The following KIF13B variants were observed in gnomAD, a reference collection of about 807,000 sequenced individuals.
KIF13B encodes kinesin family member 13B, also known as kinesin-like protein KIF13B.
KIF13B carries 127 observed loss-of-function variants against 222.0 expected under a neutral mutation model. That is an observed-to-expected ratio of 0.57 (90% CI 0.50 to 0.66). KIF13B has a LOEUF of 0.66. KIF13B is among the 30% of genes least tolerant of loss of function. The pLI, the probability that KIF13B is intolerant of heterozygous loss-of-function variation, is 0.00. For synonymous variants in KIF13B, 976 were observed against 919.0 expected (o/e 1.06, Z -1.12); for missense variants, 2,173 against 2,379.0 (o/e 0.91, Z 1.80).
intron 10 of KIF13B, among the ~76,000 whole-genome samples, chr8:29,169,251 G>A (rs927796046): frequency 2.6e-5 from 4 of 152,108 alleles, no homozygotes; most frequent in African/African-American, 4.8e-5. Flanking sequence ...TGGTTTTATC[G>A]GTGAGAAAAC....
In KIF13B at chr8:29,226,832, G is replaced by A. The variant is rs563516382; in HGVS notation, c.149+18514C>T. On this transcript the variant is annotated intron_variant, in intron 2 of 39. Transcript: ENST00000524189. ...AGCAAATAGCTTCTGTTTAAGTTTC[G>A]TTGTTAATTGTAGCTAAAGTGTAGA... 1.3e-4 allele frequency among the ~76,000 whole-genome samples: 20 copies of A among 152,088 alleles called. No homozygotes were observed. The South Asian group carries it at 3.3e-3, about 25-fold the overall frequency.
intron 23 of KIF13B, among the ~76,000 whole-genome samples, chr8:29,131,383 C>T (rs1446913198): frequency 6.6e-6 from 1 of 151,256 alleles, no homozygotes; most frequent in Non-Finnish European, 1.5e-5. Flanking sequence ...GTTGTCTTTT[C>T]GTAGATAGAC....
chr8:29,155,926 G>A, intron 13 of KIF13B, 70 bp from the exon 14 acceptor site: 1 of 1,263,470 alleles, frequency 7.9e-7, no homozygotes, highest in Non-Finnish European at 1.1e-6. Flanking sequence ...CATTTACACT[G>A]AGCCCTCTTA....
intron 9 of KIF13B, among the ~76,000 whole-genome samples, chr8:29,177,105 G>T (rs1812512595): frequency 6.6e-6 from 1 of 152,178 alleles, no homozygotes; most frequent in Admixed American, 6.5e-5. Context: ...CATGGTTGTT[G>T]AAAGTGAGTT....
intron 1 of KIF13B, among the ~76,000 whole-genome samples, chr8:29,261,799 T>C (rs541351308): frequency 5.3e-4 from 80 of 151,744 alleles, no homozygotes; most frequent in Admixed American, 3.2e-3. Context: ...ACAATTCCCA[T>C]AGATGAGATA....
Position 29,071,535 on chromosome 8 carries a change from G to C in KIF13B, c.5218+85C>G. 7.9e-7 allele frequency: 1 copy of C among 1,272,530 alleles called. No individual in the cohort carries two copies. The highest frequency in any genetic ancestry group is 1.1e-6 in the Non-Finnish European group (1 of 909,846). 78.8% of individuals were successfully genotyped at this position (1,272,530 alleles called of 1,614,324 possible). A position where few individuals can be genotyped will look rare whatever the true frequency, so the allele number is the denominator to read the frequency against. On this transcript the variant is annotated intron_variant, in intron 39 of 39. Transcript: ENST00000524189. The surrounding 1 kb of genome is among the most constrained non-coding windows in gnomAD (Gnocchi z 4.9). ...TCCCGGCCCCTCCCTCTCCTGCCCG[G>C]ACCCTGTCCCCTCCCAGGCCGGCCA...
intron 10 of KIF13B, among the ~76,000 whole-genome samples, chr8:29,168,204 C>T (rs932344345): frequency 3.9e-5 from 6 of 152,246 alleles, no homozygotes; most frequent in Non-Finnish European, 2.9e-5. Context: ...GCACTTCCAC[C>T]GTTCAGACAA....
chr8:29,204,878 T>C (rs1010336605), intron 2 of KIF13B, among the ~76,000 whole-genome samples: 4 of 152,250 alleles, frequency 2.6e-5, no homozygotes, highest in East Asian at 1.9e-4. Context: ...CTATTTTCCA[T>C]CGTGTTTCTT....
At chr8:29,126,400 AC>A in intron 26 of KIF13B, 81 bp downstream of exon 26, 1 of 898,802 alleles carries the variant, frequency 1.1e-6, no homozygotes, top group Non-Finnish European at 1.8e-6. Context: ...TCCTTAAATA[AC>A]AGTATAGCCA....
intron 37 of KIF13B, among the ~76,000 whole-genome samples, chr8:29,076,581 A>T (rs745618245): frequency 6.6e-5 from 10 of 152,154 alleles, no homozygotes; most frequent in Admixed American, 2.0e-4. Flanking sequence ...CTGTAGGGAG[A>T]AGAGTCCCGA....
intron 2 of KIF13B, among the ~76,000 whole-genome samples, chr8:29,205,620 C>T (rs1230018410): frequency 1.3e-5 from 2 of 152,152 alleles, no homozygotes; most frequent in Admixed American, 6.5e-5. Flanking sequence ...GATTCCAAAA[C>T]CTAATCCCAG....
intron 2 of KIF13B, among the ~76,000 whole-genome samples, chr8:29,236,190 A>AT (rs532546089): frequency 6.6e-6 from 1 of 152,120 alleles, no homozygotes; most frequent in Non-Finnish European, 1.5e-5. Flanking sequence ...ACCTCACTAT[A>AT]TTTTTTTCCT....
rs1353628502 is a variant in KIF13B, at chr8:29,069,339, G to A, written c.*1165C>T. On this transcript the variant is annotated 3_prime_UTR_variant, in exon 40 of 40. Transcript: ENST00000524189. ...GGCGTGGCTGCTGTGAGGGTCTGGA[G>A]ACTAACCAGCACACTCCCTGCACCA... is the stretch of plus-strand genomic sequence containing the variant. 3 of 152,260 alleles carry A rather than the reference G, an allele frequency of 2.0e-5. No individual in the cohort carries two copies. The highest frequency in any genetic ancestry group is 2.1e-4 in the South Asian group (1 of 4,830). The allele number at this position is 152,260 out of a possible 1,614,324, so 9.4% of individuals were successfully genotyped here.
chr8:29,114,491 T>G (rs970134679), intron 31 of KIF13B, among the ~76,000 whole-genome samples: 13 of 152,202 alleles, frequency 8.5e-5, no homozygotes, highest in African/African-American at 2.9e-4. Context: ...GGTATAGAGA[T>G]CACTGTCCTT....
intron 29 of KIF13B, among the ~76,000 whole-genome samples, chr8:29,121,037 T>C: frequency 6.9e-6 from 1 of 145,400 alleles, no homozygotes. Context: ...GTTTGTTTTT[T>C]TCTTGTAAAT....
chr8:29,246,774 T>C (rs1011332293), intron 1 of KIF13B, among the ~76,000 whole-genome samples: 5 of 152,192 alleles, frequency 3.3e-5, no homozygotes, highest in Admixed American at 1.3e-4. Context: ...TGGAATAGAA[T>C]TGAGTCCCCA....
chr8:29,187,816 G>T (rs1240569720), intron 5 of KIF13B, among the ~76,000 whole-genome samples: 1 of 152,154 alleles, frequency 6.6e-6, no homozygotes, highest in East Asian at 1.9e-4. Flanking sequence ...TAAAAAGTTT[G>T]CACATGGGAA....
chr8:29,133,888 A>G (rs3750265), intron 22 of KIF13B, among the ~76,000 whole-genome samples, 152 bp downstream of exon 22: 69,021 of 152,064 alleles, frequency 0.45, 17,009 homozygotes, highest in Non-Finnish European at 0.56. Flanking sequence ...AGGAGTATAG[A>G]TGCATTGACA....
chr8:29,165,810 G>A, intron 11 of KIF13B, 38 bp from the exon 12 acceptor site: 10 of 1,448,242 alleles, frequency 6.9e-6, no homozygotes, highest in Non-Finnish European at 9.7e-6. Context: ...ATGTCTAGAA[G>A]ATGCCCTGGA....
Sources: allele counts gnomAD v4.1 joint callset (sites outside exome capture counted in the v4.1 genomes callset), GRCh38; gene constraint gnomAD v4.1.1; non-coding constraint Gnocchi (gnomAD v3.1); transcripts MANE v1.5; gene names NCBI Gene and HGNC (gene_info 2026-07-23, HGNC 2026-07-21).